The following VAMP8 variants were observed in gnomAD, a reference collection of about 807,000 sequenced individuals.
The protein encoded by VAMP8 is vesicle associated membrane protein 8.
VAMP8 carries 9 observed loss-of-function variants against 11.4 expected under a neutral mutation model. That is an observed-to-expected ratio of 0.79 (90% CI 0.48 to 1.38). The LOEUF is 1.38. Ranked by LOEUF, VAMP8 falls within the 40% of genes most tolerant of loss-of-function variation. VAMP8 has a pLI of 0.00. For missense variants in VAMP8, 108 were observed against 127.8 expected, an observed-to-expected ratio of 0.85 and a Z score of 0.75; for synonymous variants, 42 against 44.7, an observed-to-expected ratio of 0.94 and a Z score of 0.24.
In VAMP8 at chr2:85,581,881, C is replaced by A; in HGVS notation, c.*165C>A. 1 of 919,820 alleles carries A rather than the reference C, an allele frequency of 1.1e-6. No homozygotes were observed. The highest frequency in any genetic ancestry group is 1.6e-6 in the Non-Finnish European group (1 of 610,474). The allele number at this position is 919,820 out of a possible 1,614,324, so 57.0% of individuals were successfully genotyped here. ...CCATGTTGTATGCCCCAGAAGGTACCTTGGTCCCCCGGAAGGAGAGAAAAA... is the reference window on the plus strand; with the variant it reads ...CCATGTTGTATGCCCCAGAAGGTACATTGGTCCCCCGGAAGGAGAGAAAAA... On this transcript the variant is annotated 3_prime_UTR_variant, in exon 3 of 3. Transcript: ENST00000263864.
intron 2 of VAMP8, among the ~76,000 whole-genome samples, chr2:85,580,659 A>ATTTTTTTTT (rs372301674): frequency 9.6e-6 from 1 of 104,598 alleles, no homozygotes; most frequent in Non-Finnish European, 1.9e-5. Flanking sequence ...CAGATACAGC[A>ATTTTTTTTT]TTTTTTTTTT....
In VAMP8 at chr2:85,579,016, C is replaced by A; in HGVS notation, c.11C>A (p.Ala4Asp). Residue 4 changes from alanine to aspartate, a missense_variant, in exon 2 of 3, where the codon GCC (alanine) becomes GAC (aspartate). Ala to Asp is a moderately radical substitution (Grantham distance 126, BLOSUM62 -2). Transcript: ENST00000263864. Reference sequence around the variant, plus strand: ...CCCCGTGTTGCCGCACAGGAGGAAGCCAGTGAAGGTGGAGGAAATGATCGT... The same window carrying A: ...CCCCGTGTTGCCGCACAGGAGGAAGACAGTGAAGGTGGAGGAAATGATCGT... MEE[A>D]SEGGGNDRVR... 1 of 1,603,542 alleles carries A rather than the reference C, an allele frequency of 6.2e-7. No individual in the cohort carries two copies.
chr2:85,578,975 C>G, intron 1 of VAMP8, 34 bp from the exon 2 acceptor site: 2 of 1,583,658 alleles, frequency 1.3e-6, no homozygotes, highest in Non-Finnish European at 1.7e-6. Context: ...GTTCCCCCAC[C>G]ACTTGGTCTA....
At chr2:85,581,381 G>A (rs1326819993) in intron 2 of VAMP8, among the ~76,000 whole-genome samples, 195 bp from the exon 3 acceptor site, 4 of 152,020 alleles carry the variant, frequency 2.6e-5, no homozygotes, top group Admixed American at 2.6e-4. Context: ...TCAGTAGGCT[G>A]AGGCAGGAGA....
At chr2:85,580,653 TA>T (rs1672360493) in intron 2 of VAMP8, among the ~76,000 whole-genome samples, 1 of 149,098 alleles carries the variant, frequency 6.7e-6, no homozygotes, top group South Asian at 2.2e-4. Context: ...GGTAGGCAGA[TA>T]CAGCATTTTT....
In VAMP8 at chr2:85,581,777, C is replaced by A; in HGVS notation, c.*61C>A. The stretch of plus-strand genomic sequence containing the variant: ...AGGGACAACCCTCCATAAATGTGTG[C>A]CAAGAGGGTCTCCTTTCCTGTCTTC... On this transcript the variant is annotated 3_prime_UTR_variant, in exon 3 of 3. Coordinates refer to ENST00000263864, the MANE Select transcript of VAMP8 (RefSeq NM_003761.5). The A allele has an allele frequency of 6.3e-7, 1 of 1,597,980 alleles. No individual in the cohort carries two copies. Among genetic ancestry groups the A allele is most frequent in the South Asian group, 1.1e-5 (1 of 89,284 alleles).
At chr2:85,580,255 C>T (rs965305629) in intron 2 of VAMP8, among the ~76,000 whole-genome samples, 1 of 151,970 alleles carries the variant, frequency 6.6e-6, no homozygotes, top group Non-Finnish European at 1.5e-5. Context: ...TCTGGACAAG[C>T]CCCAGGAAAT....
chr2:85,579,891 T>A lies in VAMP8; in HGVS notation c.162+724T>A. 2.6e-6 allele frequency: 4 copies of A among 1,547,750 alleles called. No individual in the cohort carries two copies. The African/African-American group carries it at 4.1e-5, about 16-fold the overall frequency. On this transcript the variant is annotated intron_variant, in intron 2 of 2. Transcript: ENST00000263864. ...GGCTCTTGGGTATTGCTCCCTTGTC[T>A]CCCTGGGGCTCATTGCCTGTTTCTG...
chr2:85,581,772 G>A lies in VAMP8; in HGVS notation c.*56G>A, dbSNP rs932305018. On this transcript the variant is annotated 3_prime_UTR_variant, in exon 3 of 3. Coordinates refer to ENST00000263864, the MANE Select transcript of VAMP8 (RefSeq NM_003761.5). ...TCTTCAGGGACAACCCTCCATAAAT[G>A]TGTGCCAAGAGGGTCTCCTTTCCTG... 15 of 1,606,422 alleles carry A rather than the reference G, an allele frequency of 9.3e-6. No individual in the cohort carries two copies. The highest frequency in any genetic ancestry group is 3.4e-5 in the Admixed American group (2 of 59,564).
chr2:85,579,459 C>T lies in VAMP8; in HGVS notation c.162+292C>T, dbSNP rs77204687. 8.6e-3 allele frequency among the ~76,000 whole-genome samples: 1,312 copies of T among 152,318 alleles called. 15 individuals are homozygous for T. The highest frequency in any genetic ancestry group is 0.029 in the African/African-American group (1,225 of 41,566). ...CCCATGCATTCTCAGGCTTCTCTCC[C>T]GGGAAACTTGTTTTCCCTTTGAAGC... is the stretch of plus-strand genomic sequence containing the variant. On this transcript the variant is annotated intron_variant, in intron 2 of 2. Transcript: ENST00000263864.
intron 2 of VAMP8, 148 bp downstream of exon 2, chr2:85,579,315 C>T (rs903826065): frequency 1.1e-6 from 1 of 899,856 alleles, no homozygotes. Flanking sequence ...TGAGTCTCCA[C>T]TTCTGAATCT....
chr2:85,579,532 T>C (rs553081845), intron 2 of VAMP8, among the ~76,000 whole-genome samples: 18 of 152,308 alleles, frequency 1.2e-4, no homozygotes, highest in Admixed American at 9.8e-4. Flanking sequence ...GCAGAAATAT[T>C]GGCTCTGAGG....
At chr2:85,577,892 G>C (rs948090800) in intron 1 of VAMP8, among the ~76,000 whole-genome samples, 15 of 152,100 alleles carry the variant, frequency 9.9e-5, no homozygotes, top group Admixed American at 5.9e-4. Context: ...CTGGGCTTCC[G>C]TGCCAGCGCC....
chr2:85,581,055 G>T (rs1236513573), intron 2 of VAMP8, among the ~76,000 whole-genome samples: 1 of 152,184 alleles, frequency 6.6e-6, no homozygotes, highest in Non-Finnish European at 1.5e-5. Flanking sequence ...GGTGGCATGT[G>T]CCTGTAGTCC....
At position 85,577,623 on chromosome 2, in the gene VAMP8, G is replaced by A; in HGVS notation, c.-24G>A. On this transcript the variant is annotated 5_prime_UTR_variant, in exon 1 of 3. Coordinates refer to ENST00000263864, the MANE Select transcript of VAMP8 (RefSeq NM_003761.5). ...AGCCGACTAGGCGAATTCACTTACT[G>A]ACCGGCCTGGGCTGCTCTGAGACAT... The A allele has an allele frequency of 6.4e-7, 1 of 1,552,148 alleles. No individual in the cohort carries two copies. Among genetic ancestry groups the A allele is most frequent in the South Asian group, 1.2e-5 (1 of 84,084 alleles).
intron 2 of VAMP8, chr2:85,580,008 T>C: frequency 7.3e-7 from 1 of 1,368,936 alleles, no homozygotes. Context: ...CAGGTTAGAG[T>C]GAGTGCAATC....
Position 85,577,610 on chromosome 2 carries a change from G to C in VAMP8, c.-37G>C, listed in dbSNP as rs372410964. ...CACCCTGGGAGGAAGCCGACTAGGCGAATTCACTTACTGACCGGCCTGGGC... is the reference window on the plus strand; with the variant it reads ...CACCCTGGGAGGAAGCCGACTAGGCCAATTCACTTACTGACCGGCCTGGGC... On this transcript the variant is annotated 5_prime_UTR_variant, in exon 1 of 3. Coordinates refer to ENST00000263864, the MANE Select transcript of VAMP8 (RefSeq NM_003761.5). The C allele has an allele frequency of 1.3e-6, 2 of 1,551,696 alleles. No individual in the cohort carries two copies. The highest frequency in any genetic ancestry group is 2.0e-5 in the Admixed American group (1 of 50,976).
intron 2 of VAMP8, chr2:85,579,769 G>A: frequency 6.4e-7 from 1 of 1,550,746 alleles, no homozygotes; most frequent in South Asian, 1.2e-5. Flanking sequence ...CTGTTTCAGG[G>A]AGGAAGTAAC....
At chr2:85,577,763 G>A (rs1443289896) in intron 1 of VAMP8, 114 bp downstream of exon 1, 2 of 1,423,166 alleles carry the variant, frequency 1.4e-6, no homozygotes, top group African/African-American at 1.4e-5. Context: ...TAGAGGGCTG[G>A]GCCAGTGCTG....
Sources: allele counts gnomAD v4.1 joint callset (sites outside exome capture counted in the v4.1 genomes callset), GRCh38; gene constraint gnomAD v4.1.1; transcripts MANE v1.5; gene names NCBI Gene and HGNC (gene_info 2026-07-23, HGNC 2026-07-21).